Variants in KANK1 observed in about 807,000 individuals in gnomAD.
KANK1 encodes the protein KN motif and ankyrin repeat domains 1, also known as KN motif and ankyrin repeat domain-containing protein 1.
Under a neutral mutation model 106.2 loss-of-function variants are expected in KANK1, and 109 were observed. The ratio of observed to expected loss-of-function variants is 1.03; its 90% CI spans 0.88 to 1.20. The LOEUF is 1.20. Ranked by LOEUF, KANK1 falls within the 50% of genes most tolerant of loss-of-function variation. The pLI is 0.00. For synonymous variants in KANK1, 873 were observed against 652.2 expected (o/e 1.34, Z -5.16); for missense variants, 2,399 against 1,710.7 (o/e 1.40, Z -7.10).
chr9:603,316 G>C (rs1426207500), intron 1 of KANK1, among the ~76,000 whole-genome samples: 1 of 151,836 alleles, frequency 6.6e-6, no homozygotes, highest in African/African-American at 2.4e-5. Context: ...CAGAAACGTG[G>C]CTGGCTGACT....
intron 10 of KANK1, among the ~76,000 whole-genome samples, chr9:743,561 A>G (rs1040704810): frequency 6.6e-6 from 1 of 152,144 alleles, no homozygotes; most frequent in African/African-American, 2.4e-5. Flanking sequence ...CCAGAGGGAA[A>G]TCCGTATTTC....
chr9:529,678 TG>T (rs2059973300), intron 1 of KANK1, among the ~76,000 whole-genome samples: 1 of 152,224 alleles, frequency 6.6e-6, no homozygotes, highest in Non-Finnish European at 1.5e-5. Context: ...CAGCATAGTA[TG>T]ATTTTAAACT....
At chr9:624,387 A>G (rs969009384) in intron 1 of KANK1, among the ~76,000 whole-genome samples, 1 of 152,208 alleles carries the variant, frequency 6.6e-6, no homozygotes, top group Non-Finnish European at 1.5e-5. Context: ...ATGGGAATCA[A>G]TATGCAATCT....
chr9:626,726 A>G (rs1381584597), intron 1 of KANK1, among the ~76,000 whole-genome samples: 1 of 152,264 alleles, frequency 6.6e-6, no homozygotes, highest in East Asian at 1.9e-4. Context: ...TCAGGACAGA[A>G]TATATTTGTG....
chr9:718,837 G>C (rs747820172), intron 3 of KANK1, among the ~76,000 whole-genome samples: 1 of 151,794 alleles, frequency 6.6e-6, no homozygotes, highest in Non-Finnish European at 1.5e-5. Context: ...AAAGCTACAT[G>C]CTTTTCCTCA....
chr9:734,352 A>T, intron 6 of KANK1: 1 of 183,370 alleles, frequency 5.5e-6, no homozygotes, highest in South Asian at 1.2e-4. Context: ...GCTTGGGGCC[A>T]CTTGCCTTTT....
intron 1 of KANK1, among the ~76,000 whole-genome samples, chr9:675,279 G>C (rs1308042043): frequency 6.6e-6 from 1 of 152,134 alleles, no homozygotes; most frequent in Non-Finnish European, 1.5e-5. Flanking sequence ...AGTGTATACA[G>C]ATATTATTTT....
chr9:661,422 G>C (rs964783357), intron 1 of KANK1, among the ~76,000 whole-genome samples: 9 of 152,068 alleles, frequency 5.9e-5, no homozygotes, highest in African/African-American at 2.2e-4. Flanking sequence ...ATGGTTTCCA[G>C]CTTCATCCAT....
Position 711,186 on chromosome 9 carries a change from G to C in KANK1, c.420G>C (p.Leu140=). The change falls in exon 3 of 12, where the codon CTG becomes CTC. Residue 140 remains leucine, a synonymous_variant. Transcript: ENST00000382297. ...PFLTIPENRQ[L]PPPSPQLPKH... ...TTACCATCCCAGAAAATCGACAGCT[G>C]CCACCTCCCTCACCACAACTCCCAA... 6.2e-7 allele frequency: 1 copy of C among 1,614,080 alleles called. No homozygotes were observed. Among genetic ancestry groups the C allele is most frequent in the Non-Finnish European group, 8.5e-7 (1 of 1,180,018 alleles).
intron 1 of KANK1, among the ~76,000 whole-genome samples, chr9:551,639 A>G (rs1240137360): frequency 2.0e-5 from 3 of 152,170 alleles, no homozygotes; most frequent in Non-Finnish European, 4.4e-5. Context: ...ACTTGGTGCT[A>G]GAAATACAGC....
chr9:568,183 C>CT (rs1471476338), intron 1 of KANK1, among the ~76,000 whole-genome samples: 1 of 152,166 alleles, frequency 6.6e-6, no homozygotes, highest in African/African-American at 2.4e-5. Context: ...ATCTATAATG[C>CT]ATGTTAAAAA....
At chr9:514,728 T>C (rs969591641) in intron 1 of KANK1, among the ~76,000 whole-genome samples, 1 of 151,764 alleles carries the variant, frequency 6.6e-6, no homozygotes, top group Non-Finnish European at 1.5e-5. Flanking sequence ...TTTGGACCAG[T>C]ATGAACAGTA....
chr9:677,162 G>A (rs1268286383), intron 2 of KANK1, among the ~76,000 whole-genome samples, 153 bp downstream of exon 2: 1 of 152,130 alleles, frequency 6.6e-6, no homozygotes, highest in African/African-American at 2.4e-5. Flanking sequence ...GGTTTGTTTT[G>A]TTTTACTCTC....
At chr9:720,644 A>G (rs1475535485) in intron 3 of KANK1, among the ~76,000 whole-genome samples, 8 of 152,146 alleles carry the variant, frequency 5.3e-5, no homozygotes, top group South Asian at 2.1e-4. Context: ...GCGTAAGCCA[A>G]TGCACCCAGC....
intron 1 of KANK1, among the ~76,000 whole-genome samples, chr9:523,804 C>T (rs1334092831): frequency 2.2e-5 from 3 of 138,092 alleles, no homozygotes; most frequent in Admixed American, 1.5e-4. Context: ...CTCTCTTAAT[C>T]CGCTTGGCCT....
intron 2 of KANK1, among the ~76,000 whole-genome samples, chr9:679,025 C>T (rs1275113325): frequency 6.6e-6 from 1 of 152,156 alleles, no homozygotes; most frequent in African/African-American, 2.4e-5. Flanking sequence ...TCTGTACTTA[C>T]CTTTTTTCTT....
At chr9:562,767 C>A (rs1563773852) in intron 1 of KANK1, among the ~76,000 whole-genome samples, 1 of 152,272 alleles carries the variant, frequency 6.6e-6, no homozygotes, top group East Asian at 1.9e-4. Flanking sequence ...TTAAAGCTTT[C>A]TAATGGATGA....
intron 3 of KANK1, among the ~76,000 whole-genome samples, chr9:492,972 T>C (rs2058401189): frequency 6.8e-6 from 1 of 147,138 alleles, no homozygotes; most frequent in South Asian, 2.1e-4. Flanking sequence ...TGCGGTGAGC[T>C]GAGATCGTGC....
At position 721,959 on chromosome 9, in the gene KANK1, A is replaced by G. The variant is rs1323733533; in HGVS notation, c.2699-8092A>G. On this transcript the variant is annotated intron_variant, in intron 3 of 11. Coordinates refer to ENST00000382297, the MANE Select transcript of KANK1 (RefSeq NM_015158.5). ...GCTGTCATTAGCCTTTCCCATCTCC[A>G]TAGCTCACACCTCAGGATTGAGGTG... Among the ~76,000 whole-genome samples, 6 of 152,300 alleles carry G rather than the reference A, an allele frequency of 3.9e-5. No homozygotes were observed. The East Asian group carries it at 9.6e-4, about 24-fold the overall frequency.
Sources: gnomAD v4.1 joint callset for allele counts (sites outside exome capture counted in the v4.1 genomes callset) on GRCh38, gnomAD v4.1.1 for gene constraint, MANE v1.5 for transcripts, NCBI Gene and HGNC (gene_info 2026-07-23, HGNC 2026-07-21) for gene names.